The following LRP1B variants were observed in gnomAD, a reference collection of about 807,000 sequenced individuals.
The protein encoded by LRP1B is LDL receptor related protein 1B, also known as low-density lipoprotein receptor-related protein 1B.
LRP1B carries 217 observed loss-of-function variants against 556.6 expected under a neutral mutation model. The observed-to-expected ratio is 0.39, with a 90% confidence interval of 0.35 to 0.44. The LOEUF is 0.44. Ranked by LOEUF, LRP1B falls within the 20% of genes least tolerant of loss-of-function variation. The probability of loss-of-function intolerance (pLI) is 1.00; values close to 1 mark genes in which losing one functional copy is unlikely to be tolerated. For missense variants in LRP1B, 5,053 were observed against 5,620.8 expected (o/e 0.90, Z 3.23); for synonymous variants, 2,047 against 1,865.8 (o/e 1.10, Z -2.50).
At chr2:140,702,093 A>G in intron 39 of LRP1B, 48 bp downstream of exon 39, 1 of 1,588,504 alleles carries the variant, frequency 6.3e-7, no homozygotes. Context: ...AGCAACTGGC[A>G]CTGAAATAAC....
At chr2:141,113,654 A>C (rs1413731814) in intron 7 of LRP1B, among the ~76,000 whole-genome samples, 3 of 152,138 alleles carry the variant, frequency 2.0e-5, no homozygotes, top group Non-Finnish European at 4.4e-5. Flanking sequence ...ATAGATGCTA[A>C]AATGTATGGA....
intron 15 of LRP1B, among the ~76,000 whole-genome samples, chr2:140,994,391 G>GTGTA (rs898895901): frequency 7.0e-6 from 1 of 142,058 alleles, no homozygotes; most frequent in African/African-American, 2.7e-5. Context: ...AGGTAAGGAT[G>GTGTA]TGTGTGTGTG....
chr2:140,274,913 A>G (rs1374317145), intron 84 of LRP1B, among the ~76,000 whole-genome samples: 1 of 152,038 alleles, frequency 6.6e-6, no homozygotes, highest in Non-Finnish European at 1.5e-5. Flanking sequence ...CAACGTAAGT[A>G]TAGTTTGAAA....
intron 1 of LRP1B, among the ~76,000 whole-genome samples, chr2:141,842,874 A>C (rs1697523381): frequency 6.6e-6 from 1 of 152,186 alleles, no homozygotes; most frequent in South Asian, 2.1e-4. Context: ...CGTATTGATC[A>C]CATTTTGCTA....
intron 7 of LRP1B, among the ~76,000 whole-genome samples, chr2:141,065,450 A>G (rs1295507843): frequency 6.6e-6 from 1 of 151,944 alleles, no homozygotes; most frequent in Non-Finnish European, 1.5e-5. Flanking sequence ...AACATGATAC[A>G]TTGTGTTTAA....
chr2:140,511,292 CTTTTTTTTTTTTT>C lies in LRP1B; in HGVS notation c.8270-1249_8270-1237del, dbSNP rs70985101. ...TATCAAAATACAATCCTCTAAGGGT[CTTTTTTTTTTTTT>C]TTTTTTTTTTTTTTGAGACGGAGTC... On this transcript the variant is annotated intron_variant, in intron 51 of 90. Transcript: ENST00000389484. Among the ~76,000 whole-genome samples, 22 of 58,456 alleles carry C rather than the reference CTTTTTTTTTTTTT, an allele frequency of 3.8e-4. 1 individual carries two copies. Among genetic ancestry groups the C allele is most frequent in the Middle Eastern group, 0.022 (1 of 46 alleles). The allele number at this position is 58,456 out of a possible 152,430, so 38.3% of individuals were successfully genotyped here. A position where few individuals can be genotyped will look rare whatever the true frequency, so the allele number is the denominator to read the frequency against.
chr2:141,591,581 G>GGT (rs72043982), intron 2 of LRP1B, among the ~76,000 whole-genome samples: 52,174 of 148,000 alleles, frequency 0.35, 9,469 homozygotes, highest in Non-Finnish European at 0.41. Flanking sequence ...ACTGCAGAGT[G>GGT]GTGTGTGTGT....
At chr2:141,421,800 G>T (rs1680154013) in intron 3 of LRP1B, among the ~76,000 whole-genome samples, 1 of 152,110 alleles carries the variant, frequency 6.6e-6, no homozygotes, top group Non-Finnish European at 1.5e-5. Flanking sequence ...CTCCCAGGCA[G>T]ACTCTTTCTC....
At chr2:141,781,141 C>T (rs566369339) in intron 2 of LRP1B, among the ~76,000 whole-genome samples, 1 of 152,170 alleles carries the variant, frequency 6.6e-6, no homozygotes, top group South Asian at 2.1e-4. Flanking sequence ...ACTCAAATTC[C>T]AATGCTCAGG....
chr2:141,304,471 A>C (rs1319188213), intron 3 of LRP1B, among the ~76,000 whole-genome samples: 1 of 124,142 alleles, frequency 8.1e-6, no homozygotes, highest in Non-Finnish European at 1.6e-5. Context: ...GTCCAGTTTC[A>C]TTCATTTTTT....
At chr2:140,732,945 T>C (rs1397801845) in intron 35 of LRP1B, among the ~76,000 whole-genome samples, 1 of 152,134 alleles carries the variant, frequency 6.6e-6, no homozygotes, top group Non-Finnish European at 1.5e-5. Context: ...GAAATAGCTA[T>C]CTTGAAATAT....
At chr2:140,927,824 A>C (rs1694932892) in intron 20 of LRP1B, among the ~76,000 whole-genome samples, 1 of 150,522 alleles carries the variant, frequency 6.6e-6, no homozygotes, top group Non-Finnish European at 1.5e-5. Flanking sequence ...CTCCTGTCTC[A>C]GCCTCCCCAG....
At position 141,553,855 on chromosome 2, in the gene LRP1B, TATATA is replaced by T. The variant is rs1052234292; in HGVS notation, c.206-73327_206-73323del. 3.6e-4 allele frequency among the ~76,000 whole-genome samples: 50 copies of T among 137,814 alleles called. 1 individual carries two copies. The highest frequency in any genetic ancestry group is 3.4e-3 in the Admixed American group (44 of 13,038). 90.4% of individuals were successfully genotyped at this position (137,814 alleles called of 152,430 possible). ...TATAATATATCTATATTAATATAGT[TATATA>T]ATATATCTATAATAATATAGTTATA... On this transcript the variant is annotated intron_variant, in intron 2 of 90. Coordinates refer to ENST00000389484, the MANE Select transcript of LRP1B (RefSeq NM_018557.3).
intron 7 of LRP1B, among the ~76,000 whole-genome samples, chr2:141,109,387 C>T (rs2104961282): frequency 6.6e-6 from 1 of 152,208 alleles, no homozygotes; most frequent in Admixed American, 6.5e-5. Context: ...AAGATGAACC[C>T]ACTGGCAGTT....
chr2:140,526,425 A>C (rs1690438429), intron 47 of LRP1B, 75 bp from the exon 48 acceptor site: 4 of 970,920 alleles, frequency 4.1e-6, no homozygotes, highest in Admixed American at 2.1e-5. Context: ...TGAATATTTC[A>C]ATTATTTTAT....
chr2:141,594,118 T>A (rs1687432562), intron 2 of LRP1B, among the ~76,000 whole-genome samples: 1 of 152,044 alleles, frequency 6.6e-6, no homozygotes, highest in South Asian at 2.1e-4. Context: ...GCACTCTGAG[T>A]CCATAAGAGG....
chr2:141,139,807 GTGTGTGTGTGTGTA>G (rs1000380295), intron 7 of LRP1B, among the ~76,000 whole-genome samples: 2 of 151,460 alleles, frequency 1.3e-5, no homozygotes, highest in African/African-American at 4.9e-5. Context: ...GTGTGTGTGT[GTGTGTGTGTGTGTA>G]TCACATAACC....
chr2:141,074,478 C>T (rs938314809), intron 7 of LRP1B, among the ~76,000 whole-genome samples: 2 of 151,502 alleles, frequency 1.3e-5, no homozygotes, highest in African/African-American at 4.8e-5. Context: ...CTACAACCTC[C>T]AAGAGGCCAT....
chr2:140,788,129 A>G (rs1408750839), intron 32 of LRP1B, among the ~76,000 whole-genome samples: 1 of 152,222 alleles, frequency 6.6e-6, no homozygotes, highest in Non-Finnish European at 1.5e-5. Context: ...ACATTCCACC[A>G]TATTAATTTA....
Sources: allele counts gnomAD v4.1 joint callset (sites outside exome capture counted in the v4.1 genomes callset), GRCh38; gene constraint gnomAD v4.1.1; transcripts MANE v1.5; gene names NCBI Gene and HGNC (gene_info 2026-07-23, HGNC 2026-07-21).